SLC44A5: variants seen among roughly 807,000 people sequenced by gnomAD.
SLC44A5 encodes the protein solute carrier family 44 member 5.
Under a neutral mutation model 101.8 loss-of-function variants are expected in SLC44A5, and 57 were observed. The ratio of observed to expected loss-of-function variants is 0.56; its 90% confidence interval spans 0.45 to 0.70. The LOEUF (loss-of-function observed/expected upper bound fraction) is 0.70. SLC44A5 is among the 30% of genes least tolerant of loss of function. The pLI, the probability that SLC44A5 is intolerant of heterozygous loss-of-function variation, is 0.00. For missense variants in SLC44A5, 737 were observed against 853.1 expected, an observed-to-expected ratio of 0.86 and a Z score of 1.70; for synonymous variants, 281 against 290.9, an observed-to-expected ratio of 0.97 and a Z score of 0.35.
the SLC44A5 span, among the ~76,000 whole-genome samples, chr1:75,619,502 A>C: frequency 6.6e-6 from 1 of 152,158 alleles, no homozygotes; most frequent in African/African-American, 2.4e-5. Flanking sequence ...TTCAGGAGTC[A>C]GAAATCCAAA....
intron 2 of SLC44A5, among the ~76,000 whole-genome samples, chr1:75,466,226 G>C (rs922859689): frequency 6.6e-6 from 1 of 152,076 alleles, no homozygotes; most frequent in Non-Finnish European, 1.5e-5. Flanking sequence ...TTCAACATAC[G>C]TAAGCCAATC....
At chr1:75,348,510 A>G (rs573973452) in intron 3 of SLC44A5, among the ~76,000 whole-genome samples, 12 of 152,282 alleles carry the variant, frequency 7.9e-5, no homozygotes, top group African/African-American at 2.9e-4. Flanking sequence ...CGAAAAGATG[A>G]GGAAAAACAC....
At chr1:75,599,158 AT>A (rs10714827) in intron 1 of SLC44A5, among the ~76,000 whole-genome samples, 102,620 of 152,028 alleles carry the variant, frequency 0.68, 35,019 homozygotes, top group East Asian at 0.84. Flanking sequence ...TACACTTGAC[AT>A]TTTGGATTAA....
intron 1 of SLC44A5, among the ~76,000 whole-genome samples, chr1:75,545,846 C>A (rs537412388): frequency 7.6e-4 from 106 of 138,930 alleles, no homozygotes; most frequent in African/African-American, 2.8e-3. Context: ...TTCTTTGAGT[C>A]AGGGTCTTGT....
the SLC44A5 span, among the ~76,000 whole-genome samples, chr1:75,670,642 T>C: frequency 6.6e-6 from 1 of 152,192 alleles, no homozygotes; most frequent in Non-Finnish European, 1.5e-5. Context: ...GGTAAACCAA[T>C]CTATATATAG....
intron 2 of SLC44A5, among the ~76,000 whole-genome samples, chr1:75,497,253 G>T (rs771299097): frequency 6.6e-6 from 1 of 151,988 alleles, no homozygotes; most frequent in Non-Finnish European, 1.5e-5. Context: ...ATAGACTGAT[G>T]AATGGGAAAA....
chr1:75,360,322 C>T (rs1659396703), intron 3 of SLC44A5, among the ~76,000 whole-genome samples: 1 of 152,018 alleles, frequency 6.6e-6, no homozygotes, highest in African/African-American at 2.4e-5. Flanking sequence ...ATTCTTTTGT[C>T]CATTTTAAGC....
At chr1:75,506,963 G>A (rs1252913568) in intron 2 of SLC44A5, among the ~76,000 whole-genome samples, 1 of 122,856 alleles carries the variant, frequency 8.1e-6, no homozygotes, top group Non-Finnish European at 1.6e-5. Flanking sequence ...AGGCTGGAAT[G>A]CAGTGGCTTG....
the SLC44A5 span, among the ~76,000 whole-genome samples, chr1:75,720,888 G>T: frequency 3.9e-5 from 6 of 152,120 alleles, no homozygotes; most frequent in Admixed American, 1.3e-4. Flanking sequence ...GAGGTTCCAG[G>T]TTATAGGCAG....
rs957253406 is a variant in SLC44A5, at chr1:75,203,140, T to C, written c.*587A>G. 2 of 152,146 alleles carry C rather than the reference T, an allele frequency of 1.3e-5. No individual in the cohort carries two copies. The highest frequency in any genetic ancestry group is 2.9e-5 in the Non-Finnish European group (2 of 68,012). The allele number at this position is 152,146 out of a possible 1,614,324, so 9.4% of individuals were successfully genotyped here. ...TGTAAACTTGCCCATAAAAGCTGGG[T>C]AATATTAAATAGCCAGTAAGGCACT... On this transcript the variant is annotated 3_prime_UTR_variant, in exon 24 of 24. Coordinates refer to ENST00000370859, the MANE Select transcript of SLC44A5 (RefSeq NM_001130058.2).
the SLC44A5 span, among the ~76,000 whole-genome samples, chr1:75,652,816 A>G: frequency 1.6e-4 from 24 of 152,224 alleles, no homozygotes; most frequent in African/African-American, 5.5e-4. Flanking sequence ...AAAAACAAAA[A>G]AACAGTCCCA....
At chr1:75,255,273 A>T (rs1321351643) in intron 6 of SLC44A5, among the ~76,000 whole-genome samples, 1 of 152,096 alleles carries the variant, frequency 6.6e-6, no homozygotes, top group Non-Finnish European at 1.5e-5. Flanking sequence ...TAAACAAACA[A>T]ACAAAAATTA....
chr1:75,550,579 AAG>A (rs1671885457), intron 1 of SLC44A5, among the ~76,000 whole-genome samples: 1 of 152,150 alleles, frequency 6.6e-6, no homozygotes, highest in African/African-American at 2.4e-5. Context: ...ATAAAAAAAA[AAG>A]ATCATTATTT....
chr1:75,276,211 C>T (rs1246812831), intron 5 of SLC44A5, among the ~76,000 whole-genome samples: 1 of 152,116 alleles, frequency 6.6e-6, no homozygotes, highest in African/African-American at 2.4e-5. Context: ...AAATCTGACT[C>T]ATTCGGGTAG....
intron 5 of SLC44A5, among the ~76,000 whole-genome samples, chr1:75,290,087 G>GT (rs781287185): frequency 6.6e-6 from 1 of 152,162 alleles, no homozygotes; most frequent in Admixed American, 6.5e-5. Flanking sequence ...TTATGTGTGG[G>GT]TTTTGATAAC....
chr1:75,277,214 G>T (rs887258558), intron 5 of SLC44A5, among the ~76,000 whole-genome samples: 3 of 152,122 alleles, frequency 2.0e-5, no homozygotes, highest in African/African-American at 7.2e-5. Context: ...ACATGTGGCT[G>T]GAAGTAGGGA....
At position 75,474,108 on chromosome 1, in the gene SLC44A5, G is replaced by T. The variant is rs181094295; in HGVS notation, c.13+67327C>A. On this transcript the variant is annotated intron_variant, in intron 2 of 23. Coordinates refer to ENST00000370859, the MANE Select transcript of SLC44A5 (RefSeq NM_001130058.2). ...TATTTAACACTGCTTCATTAAATTA[G>T]TTCACTGTCAATAACAGATTTCATT... is the stretch of plus-strand genomic sequence containing the variant. 1.7e-3 allele frequency among the ~76,000 whole-genome samples: 255 copies of T among 152,206 alleles called. 2 individuals carry two copies. Among genetic ancestry groups the T allele is most frequent in the Non-Finnish European group, 1.9e-3 (127 of 68,010 alleles).
chr1:75,485,867 G>A (rs564859068), intron 2 of SLC44A5, among the ~76,000 whole-genome samples: 64 of 152,238 alleles, frequency 4.2e-4, no homozygotes, highest in African/African-American at 1.4e-3. Flanking sequence ...AGGAGAGATG[G>A]TCAGGGGCAG....
rs902949634 is a variant in SLC44A5 at position 75,352,312 on chromosome 1, T to G, written c.53-12682A>C. On this transcript the variant is annotated intron_variant, in intron 3 of 23. Coordinates refer to ENST00000370859, the MANE Select transcript of SLC44A5 (RefSeq NM_001130058.2). ...ACAGATCAACCCATCACCCGGGTATTAAGTCCAGCATCCCTTAGCTATTTC... is the reference window on the plus strand; with the variant it reads ...ACAGATCAACCCATCACCCGGGTATGAAGTCCAGCATCCCTTAGCTATTTC... Among the ~76,000 whole-genome samples the G allele has an allele frequency of 3.7e-4, 56 of 152,076 alleles. 1 individual carries two copies. The highest frequency in any genetic ancestry group is 4.6e-4 in the Admixed American group (7 of 15,254).
Sources: allele counts gnomAD v4.1 joint callset (sites outside exome capture counted in the v4.1 genomes callset), GRCh38; gene constraint gnomAD v4.1.1; transcripts MANE v1.5; gene names NCBI Gene and HGNC (gene_info 2026-07-23, HGNC 2026-07-21).